UBAC2: variants seen among roughly 807,000 people sequenced by gnomAD.
UBAC2 encodes the protein ubiquitin-associated domain-containing protein 2.
UBAC2 carries 26 observed loss-of-function variants against 44.0 expected under a neutral mutation model. The ratio of observed to expected loss-of-function variants is 0.59; its 90% CI spans 0.43 to 0.82. UBAC2 has a LOEUF of 0.82. Among genes scored for constraint, UBAC2 ranks in the 40% least tolerant of loss-of-function variants. The pLI is 0.00. For synonymous variants in UBAC2, 155 were observed against 154.3 expected (o/e 1.00, Z -0.04); for missense variants, 329 against 419.4 (o/e 0.78, Z 1.88).
intron 4 of UBAC2, among the ~76,000 whole-genome samples, chr13:99,262,974 G>A (rs2138647613): frequency 6.6e-6 from 1 of 152,214 alleles, no homozygotes; most frequent in East Asian, 1.9e-4. Context: ...TGACTGTCAG[G>A]CATGATTCTG....
intron 5 of UBAC2, among the ~76,000 whole-genome samples, chr13:99,317,350 T>C (rs1031640408): frequency 6.6e-6 from 1 of 152,122 alleles, no homozygotes; most frequent in African/African-American, 2.4e-5. Flanking sequence ...AGAGTCCTTA[T>C]GATTTTTTTT....
intron 1 of UBAC2, among the ~76,000 whole-genome samples, chr13:99,219,276 C>G (rs2043029424): frequency 6.6e-6 from 1 of 152,200 alleles, no homozygotes; most frequent in African/African-American, 2.4e-5. Context: ...GCCCACAGGA[C>G]TAAGCTTTGC....
intron 8 of UBAC2, among the ~76,000 whole-genome samples, chr13:99,368,752 G>A (rs970479805): frequency 6.6e-6 from 1 of 150,498 alleles, no homozygotes; most frequent in African/African-American, 2.5e-5. Flanking sequence ...CTGACCGAGA[G>A]GGCTCAGAAG....
chr13:99,248,198 T>C (rs556565489), intron 4 of UBAC2, among the ~76,000 whole-genome samples: 2 of 152,252 alleles, frequency 1.3e-5, no homozygotes, highest in South Asian at 4.1e-4. Flanking sequence ...TCTCCTGATA[T>C]TTCTTGAGTC....
chr13:99,238,604 T>TC (rs2142727131), intron 2 of UBAC2, 50 bp downstream of exon 2: 2 of 1,446,218 alleles, frequency 1.4e-6, no homozygotes, highest in East Asian at 4.8e-5. Context: ...AGTTTTTTTT[T>TC]TTTCTTTCTA....
At chr13:99,249,060 T>C (rs1455169878) in intron 4 of UBAC2, among the ~76,000 whole-genome samples, 1 of 152,174 alleles carries the variant, frequency 6.6e-6, no homozygotes, top group Non-Finnish European at 1.5e-5. Flanking sequence ...GGGGTACATG[T>C]GAAGGTTTGT....
At chr13:99,230,494 A>T (rs2043160061) in intron 1 of UBAC2, among the ~76,000 whole-genome samples, 1 of 152,024 alleles carries the variant, frequency 6.6e-6, no homozygotes, top group Non-Finnish European at 1.5e-5. Context: ...AATAAAACAA[A>T]ATAAATTTAT....
chr13:99,312,279 A>T (rs925436502), intron 4 of UBAC2, among the ~76,000 whole-genome samples: 2 of 152,230 alleles, frequency 1.3e-5, no homozygotes, highest in Non-Finnish European at 2.9e-5. Context: ...TGTAGAAGTG[A>T]AACATATGTT....
rs141487000 is a variant in UBAC2, at chr13:99,344,497, A to G, written c.807+3932A>G. Among the ~76,000 whole-genome samples, 971 of 152,238 alleles carry G rather than the reference A, an allele frequency of 6.4e-3. 6 individuals carry two copies. Among genetic ancestry groups the G allele is most frequent in the African/African-American group, 0.023 (942 of 41,540 alleles). On this transcript the variant is annotated intron_variant, in intron 7 of 8. Transcript: ENST00000403766. ...TATTGTAGGCAATCTCATGCTGTGT[A>G]TTTCATTTAAAATACAACTGTTATT...
chr13:99,265,119 G>C (rs887474106), intron 4 of UBAC2, among the ~76,000 whole-genome samples: 5 of 151,928 alleles, frequency 3.3e-5, no homozygotes, highest in African/African-American at 1.2e-4. Context: ...ATTGATTTTG[G>C]TTACTCAGAC....
At chr13:99,201,467 G>A (rs1323043193) in intron 1 of UBAC2, 2 of 1,614,206 alleles carry the variant, frequency 1.2e-6, no homozygotes, top group South Asian at 2.2e-5. Context: ...ACACTGATGA[G>A]AGTGCTTTCA....
intron 6 of UBAC2, among the ~76,000 whole-genome samples, chr13:99,338,424 G>A (rs1285175997): frequency 6.6e-6 from 1 of 152,188 alleles, no homozygotes; most frequent in Non-Finnish European, 1.5e-5. Context: ...TGGGCCACAT[G>A]TGGCCCACAG....
At chr13:99,250,455 TAC>T (rs2043444127) in intron 4 of UBAC2, among the ~76,000 whole-genome samples, 1 of 152,218 alleles carries the variant, frequency 6.6e-6, no homozygotes, top group East Asian at 1.9e-4. Context: ...CTGTTTTGCT[TAC>T]TGTAGCCTTA....
At chr13:99,244,400 T>C (rs962562495) in intron 3 of UBAC2, 115 bp from the exon 4 acceptor site, 4 of 672,368 alleles carry the variant, frequency 5.9e-6, no homozygotes, top group Non-Finnish European at 1.0e-5. Context: ...TGTGTGTATA[T>C]ACACACACAC....
At chr13:99,318,150 C>T (rs974680529) in intron 6 of UBAC2, 81 bp downstream of exon 6, 83 of 1,281,058 alleles carry the variant, frequency 6.5e-5, no homozygotes, top group East Asian at 4.7e-5. Flanking sequence ...TTAGATTGTG[C>T]GTCATATTCA....
intron 6 of UBAC2, among the ~76,000 whole-genome samples, chr13:99,319,124 C>T (rs1201532144): frequency 6.6e-6 from 1 of 152,076 alleles, no homozygotes; most frequent in Non-Finnish European, 1.5e-5. Context: ...ACCAAGCAAC[C>T]TCAGTATGTT....
rs1273298263 is a variant in UBAC2, at chr13:99,347,329, C to T, written c.807+6764C>T. Reference sequence around the variant, plus strand: ...TTACTATCCCCGGGCGCCCCCCCCCCCCCCCAGGAAAAAAAAGGCAAGTGA... The same window carrying T: ...TTACTATCCCCGGGCGCCCCCCCCCTCCCCCAGGAAAAAAAAGGCAAGTGA... On this transcript the variant is annotated intron_variant, in intron 7 of 8. Transcript: ENST00000403766. Among the ~76,000 whole-genome samples, 248 of 85,512 alleles carry T rather than the reference C, an allele frequency of 2.9e-3. 47 individuals carry two copies. The highest frequency in any genetic ancestry group is 0.014 in the South Asian group (34 of 2,504). 56.1% of individuals were successfully genotyped at this position (85,512 alleles called of 152,430 possible).
intron 6 of UBAC2, among the ~76,000 whole-genome samples, chr13:99,336,313 CA>C (rs1216387306): frequency 7.2e-5 from 11 of 152,154 alleles, no homozygotes; most frequent in Non-Finnish European, 1.5e-4. Context: ...TAGCTTTTGG[CA>C]TACTACAGCT....
chr13:99,309,579 A>C (rs918657784), intron 4 of UBAC2, among the ~76,000 whole-genome samples: 1 of 152,128 alleles, frequency 6.6e-6, no homozygotes, highest in African/African-American at 2.4e-5. Context: ...GTACTGTAAA[A>C]GTAGAGTTGG....
Sources: gnomAD v4.1 joint callset for allele counts (sites outside exome capture counted in the v4.1 genomes callset) on GRCh38, gnomAD v4.1.1 for gene constraint, MANE v1.5 for transcripts, NCBI Gene and HGNC (gene_info 2026-07-23, HGNC 2026-07-21) for gene names.